BMPR1A: variants seen among roughly 807,000 people sequenced by gnomAD.
The protein encoded by BMPR1A is bone morphogenetic protein receptor type-1A.
In BMPR1A, 7 loss-of-function variants were observed where a neutral mutation model predicts 66.0. That is an observed-to-expected ratio of 0.11 (90% CI 0.06 to 0.20). BMPR1A has a LOEUF of 0.20. Ranked by LOEUF, BMPR1A falls within the 10% of genes least tolerant of loss-of-function variation. The probability of loss-of-function intolerance (pLI) is 1.00; values close to 1 mark genes in which losing one functional copy is unlikely to be tolerated. For synonymous variants in BMPR1A, 200 were observed against 229.7 expected (o/e 0.87, Z 1.17); for missense variants, 408 against 669.1 (o/e 0.61, Z 4.31).
At chr10:86,806,864 C>CTGA (rs1404453940) in intron 1 of BMPR1A, among the ~76,000 whole-genome samples, 1 of 152,048 alleles carries the variant, frequency 6.6e-6, no homozygotes, top group Non-Finnish European at 1.5e-5. Flanking sequence ...CTTATGTTTT[C>CTGA]TGAGGTTCAT....
intron 7 of BMPR1A, among the ~76,000 whole-genome samples, chr10:86,906,501 C>T (rs1289457051): frequency 1.0e-5 from 1 of 100,430 alleles, no homozygotes; most frequent in Non-Finnish European, 1.8e-5. Context: ...GGGCGGATCA[C>T]GAGGCCAGGA....
intron 9 of BMPR1A, 131 bp from the exon 10 acceptor site, chr10:86,919,041 G>C: frequency 3.3e-6 from 3 of 911,460 alleles, no homozygotes; most frequent in Non-Finnish European, 5.4e-6. Flanking sequence ...TTCACGACTT[G>C]GTGTCAGGCG....
intron 1 of BMPR1A, among the ~76,000 whole-genome samples, chr10:86,824,531 T>C (rs1407869086): frequency 6.6e-6 from 1 of 152,238 alleles, no homozygotes; most frequent in Admixed American, 6.5e-5. Context: ...GGAGCAGCGC[T>C]GTCCCACACC....
Position 86,927,032 on chromosome 10 carries a change from A to G in BMPR1A, c.*3313A>G, listed in dbSNP as rs1267149622. 1 of 187,308 alleles carries G rather than the reference A, an allele frequency of 5.3e-6. No homozygotes were observed. Among genetic ancestry groups the G allele is most frequent in the Non-Finnish European group, 1.1e-5 (1 of 88,888 alleles). 11.6% of individuals were successfully genotyped at this position (187,308 alleles called of 1,614,324 possible). A position where few individuals can be genotyped will look rare whatever the true frequency, so the allele number is the denominator to read the frequency against. ...AAGTTATTTTAATCAGTATTTTTAC[A>G]TTGCCTTTCCAGTGTCCAGAAGTGT... On this transcript the variant is annotated 3_prime_UTR_variant, in exon 13 of 13. Coordinates refer to ENST00000372037, the MANE Select transcript of BMPR1A (RefSeq NM_004329.3).
intron 2 of BMPR1A, among the ~76,000 whole-genome samples, chr10:86,870,242 C>T (rs976821666): frequency 2.6e-5 from 4 of 152,298 alleles, no homozygotes; most frequent in African/African-American, 9.6e-5. Context: ...GAACCAAATG[C>T]CCGTTAGACA....
chr10:86,789,439 G>A (rs1464722165), intron 1 of BMPR1A, among the ~76,000 whole-genome samples: 1 of 152,062 alleles, frequency 6.6e-6, no homozygotes, highest in African/African-American at 2.4e-5. Context: ...CTGGCTGGGC[G>A]CCGTGGCTCA....
At chr10:86,819,012 G>A (rs1002758084) in intron 1 of BMPR1A, among the ~76,000 whole-genome samples, 3 of 152,144 alleles carry the variant, frequency 2.0e-5, no homozygotes, top group Admixed American at 2.0e-4. Context: ...AATTGTTTTG[G>A]GGATGAAATG....
At chr10:86,826,428 A>ACACG (rs1455759957) in intron 1 of BMPR1A, among the ~76,000 whole-genome samples, 1 of 151,832 alleles carries the variant, frequency 6.6e-6, no homozygotes, top group African/African-American at 2.4e-5. Flanking sequence ...ACACACACAC[A>ACACG]CACACACACA....
rs374739820 is a variant in BMPR1A, at chr10:86,892,149, A to G, written c.253A>G (p.Ile85Val). ...TCITNGHCFA[I>V]IEEDDQGETT... ...TAGAACTAATGGACATTGCTTTGCCATCATAGAAGAAGATGACCAGGGAGA... is the reference window on the plus strand; with the variant it reads ...TAGAACTAATGGACATTGCTTTGCCGTCATAGAAGAAGATGACCAGGGAGA... Residue 85 changes from isoleucine (I) to valine (V), a missense_variant, in exon 5 of 13, where the codon ATC becomes GTC. Ile to Val is a conservative substitution (Grantham distance 29). Coordinates refer to ENST00000372037, the MANE Select transcript of BMPR1A (RefSeq NM_004329.3). 1 of 1,613,486 alleles carries G rather than the reference A, an allele frequency of 6.2e-7. No individual in the cohort carries two copies. Among genetic ancestry groups the G allele is most frequent in the Non-Finnish European group, 8.5e-7 (1 of 1,179,526 alleles).
At chr10:86,791,534 C>A (rs1007050944) in intron 1 of BMPR1A, among the ~76,000 whole-genome samples, 1 of 150,912 alleles carries the variant, frequency 6.6e-6, no homozygotes, top group East Asian at 2.0e-4. Context: ...TTGAAACACA[C>A]GCACAGAAAA....
rs10159659 is a variant in BMPR1A at position 86,795,174 on chromosome 10, A to T, written c.-268+38255A>T. On this transcript the variant is annotated intron_variant, in intron 1 of 12. Transcript: ENST00000372037. Reference sequence around the variant, plus strand: ...CCTATCTAGATAATTTTTAATCTTTATTTTTTTTTTTCTGTAGACTTATTT... The same window carrying T: ...CCTATCTAGATAATTTTTAATCTTTTTTTTTTTTTTTCTGTAGACTTATTT... Among the ~76,000 whole-genome samples, 1,136 of 145,574 alleles carry T rather than the reference A, an allele frequency of 7.8e-3. 12 individuals are homozygous for T. Among genetic ancestry groups the T allele is most frequent in the African/African-American group, 0.027 (1,075 of 39,896 alleles).
At chr10:86,789,245 T>C (rs1287142304) in intron 1 of BMPR1A, among the ~76,000 whole-genome samples, 1 of 152,162 alleles carries the variant, frequency 6.6e-6, no homozygotes, top group Non-Finnish European at 1.5e-5. Context: ...CAGTGATTTC[T>C]TCAATATGAC....
chr10:86,875,894 A>G lies in BMPR1A; in HGVS notation c.-125A>G. 1.2e-6 allele frequency: 1 copy of G among 806,120 alleles called. No individual in the cohort carries two copies. The highest frequency in any genetic ancestry group is 2.2e-6 in the Non-Finnish European group (1 of 462,492). 49.9% of individuals were successfully genotyped at this position (806,120 alleles called of 1,614,324 possible). On this transcript the variant is annotated 5_prime_UTR_variant, in exon 3 of 13. Coordinates refer to ENST00000372037, the MANE Select transcript of BMPR1A (RefSeq NM_004329.3). ...GTCGTAAGAAAGCAGTGGGAGTTGA[A>G]GTCATTGTCAAGTGCTTGCGATCTT...
chr10:86,866,400 T>TTTTTTTTTTTC (rs1491462978), intron 2 of BMPR1A, among the ~76,000 whole-genome samples: 3,214 of 75,358 alleles, frequency 0.043, 268 homozygotes, highest in Non-Finnish European at 0.05. Flanking sequence ...AGTTTCTTTC[T>TTTTTTTTTTTC]TTTTTTTTTT....
At chr10:86,822,294 G>A (rs1478707184) in intron 1 of BMPR1A, among the ~76,000 whole-genome samples, 2 of 152,124 alleles carry the variant, frequency 1.3e-5, no homozygotes, top group Non-Finnish European at 2.9e-5. Context: ...CTGTGTATGA[G>A]TAAAACCCCA....
intron 2 of BMPR1A, among the ~76,000 whole-genome samples, chr10:86,852,365 A>T (rs1380728867): frequency 6.6e-6 from 1 of 152,148 alleles, no homozygotes; most frequent in Non-Finnish European, 1.5e-5. Context: ...ACAATAGAGA[A>T]AATAACAGCC....
At chr10:86,808,913 G>GTTAC (rs900965328) in intron 1 of BMPR1A, among the ~76,000 whole-genome samples, 1 of 152,052 alleles carries the variant, frequency 6.6e-6, no homozygotes, top group African/African-American at 2.4e-5. Context: ...TTCATCACAG[G>GTTAC]TTACTTATAG....
chr10:86,783,669 A>G (rs1589713990), intron 1 of BMPR1A, among the ~76,000 whole-genome samples: 1 of 152,088 alleles, frequency 6.6e-6, no homozygotes, highest in Non-Finnish European at 1.5e-5. Context: ...GCTCACTGCC[A>G]CCTCCCACTG....
chr10:86,878,324 A>G (rs1391587586), intron 3 of BMPR1A, among the ~76,000 whole-genome samples: 1 of 152,216 alleles, frequency 6.6e-6, no homozygotes, highest in African/African-American at 2.4e-5. Context: ...ATTGAGATAA[A>G]GTTACTTAGG....
Sources: allele counts gnomAD v4.1 joint callset (sites outside exome capture counted in the v4.1 genomes callset), GRCh38; gene constraint gnomAD v4.1.1; transcripts MANE v1.5; gene names NCBI Gene and HGNC (gene_info 2026-07-23, HGNC 2026-07-21).